IMMP2L: variants seen among roughly 807,000 people sequenced by gnomAD.
IMMP2L encodes mitochondrial inner membrane protease subunit 2.
In IMMP2L, 18 loss-of-function variants were observed where a neutral mutation model predicts 19.3. The observed-to-expected ratio is 0.93, with a 90% CI of 0.64 to 1.38. The LOEUF is 1.38. IMMP2L is among the 40% of genes most tolerant of loss of function. The pLI, the probability that IMMP2L is intolerant of heterozygous loss-of-function variation, is 0.00. For missense variants in IMMP2L, 233 were observed against 218.2 expected (o/e 1.07, Z -0.43); for synonymous variants, 76 against 73.0 (o/e 1.04, Z -0.21).
chr7:111,462,004 A>AT (rs1406058863), intron 3 of IMMP2L, among the ~76,000 whole-genome samples: 5 of 151,924 alleles, frequency 3.3e-5, no homozygotes, highest in Non-Finnish European at 7.4e-5. Flanking sequence ...AAACACAGAG[A>AT]TAAAAAAAAC....
intron 1 of IMMP2L, among the ~76,000 whole-genome samples, chr7:111,557,063 AACAGTC>A (rs1338938312): frequency 2.0e-5 from 3 of 152,078 alleles, no homozygotes; most frequent in Admixed American, 6.5e-5. Context: ...TTTACATTCA[AACAGTC>A]ACAAAGACCA....
Position 110,758,348 on chromosome 7 carries a change from TC to T in IMMP2L, c.409-94628del, listed in dbSNP as rs1798153867. ...TGAAGAAAAGGAGAGAAATAGGAAGTCACTGGAGGCAGAAGCAGAGAGACAG... is the reference window on the plus strand; with the variant it reads ...TGAAGAAAAGGAGAGAAATAGGAAGTACTGGAGGCAGAAGCAGAGAGACAG... On this transcript the variant is annotated intron_variant, in intron 5 of 5. Transcript: ENST00000405709. The surrounding 1 kb of genome is among the most constrained non-coding windows in gnomAD (Gnocchi z 4.6). Among the ~76,000 whole-genome samples the T allele has an allele frequency of 6.6e-6, 1 of 151,988 alleles. No individual in the cohort carries two copies. Among genetic ancestry groups the T allele is most frequent in the South Asian group, 2.1e-4 (1 of 4,828 alleles).
intron 3 of IMMP2L, among the ~76,000 whole-genome samples, chr7:111,188,332 G>A (rs1320149765): frequency 6.6e-6 from 1 of 152,148 alleles, no homozygotes; most frequent in Non-Finnish European, 1.5e-5. Flanking sequence ...GTTTTGGAAG[G>A]CTGAGATCAG....
chr7:110,756,256 C>T lies in IMMP2L; in HGVS notation c.409-92535G>A, dbSNP rs1217730417. The stretch of plus-strand genomic sequence containing the variant: ...GTACATGAGGAAAAGAGAGAAGCCA[C>T]CAGTGATGCCCAGGTTCTGTTCTGG... On this transcript the variant is annotated intron_variant, in intron 5 of 5. Transcript: ENST00000405709. 3.3e-5 allele frequency among the ~76,000 whole-genome samples: 5 copies of T among 152,034 alleles called. No homozygotes were observed. The East Asian group carries it at 9.7e-4, about 29-fold the overall frequency.
chr7:110,696,877 G>C (rs940122233), intron 5 of IMMP2L, among the ~76,000 whole-genome samples: 1 of 152,172 alleles, frequency 6.6e-6, no homozygotes. Flanking sequence ...TAGCACAGAT[G>C]AGTTCCATTT....
intron 1 of IMMP2L, among the ~76,000 whole-genome samples, chr7:111,523,008 G>A (rs1370375269): frequency 2.0e-5 from 3 of 149,588 alleles, no homozygotes; most frequent in Non-Finnish European, 4.4e-5. Flanking sequence ...AGGACATTAA[G>A]TAAAATAACC....
intron 3 of IMMP2L, among the ~76,000 whole-genome samples, chr7:111,153,332 C>G (rs1476456834): frequency 6.6e-6 from 1 of 152,066 alleles, no homozygotes. Flanking sequence ...GAGACATACT[C>G]TAACAATAAA....
chr7:111,328,267 G>T (rs1584647509), intron 3 of IMMP2L, among the ~76,000 whole-genome samples: 1 of 151,790 alleles, frequency 6.6e-6, no homozygotes, highest in East Asian at 1.9e-4. Context: ...TATTAAAGAT[G>T]TTTCAAAAAC....
chr7:111,222,518 A>T (rs1812630551), intron 3 of IMMP2L, among the ~76,000 whole-genome samples: 1 of 151,988 alleles, frequency 6.6e-6, no homozygotes. Flanking sequence ...AATGAGTAGG[A>T]TAGAAACAAA....
At chr7:110,688,404 A>G (rs901386435) in intron 5 of IMMP2L, among the ~76,000 whole-genome samples, 4 of 152,250 alleles carry the variant, frequency 2.6e-5, no homozygotes, top group Admixed American at 2.6e-4. Flanking sequence ...TATGTTTGTG[A>G]TTTAAATGTT....
intron 5 of IMMP2L, among the ~76,000 whole-genome samples, chr7:110,883,924 A>G (rs1279345868): frequency 1.1e-4 from 17 of 152,170 alleles, no homozygotes; most frequent in Non-Finnish European, 2.1e-4. Context: ...AAAGAATCAC[A>G]TTTGTGTTTT....
intron 3 of IMMP2L, among the ~76,000 whole-genome samples, chr7:111,223,795 T>C (rs1371500428): frequency 6.6e-6 from 1 of 152,138 alleles, no homozygotes; most frequent in Non-Finnish European, 1.5e-5. Flanking sequence ...GTAACCTTCA[T>C]GGTTACAACA....
chr7:111,446,201 C>T (rs1838387651), intron 3 of IMMP2L, among the ~76,000 whole-genome samples: 1 of 152,180 alleles, frequency 6.6e-6, no homozygotes, highest in Non-Finnish European at 1.5e-5. Flanking sequence ...GGGTGGAGCC[C>T]GCCACAGCTC....
Position 111,521,348 on chromosome 7 carries a change from C to T in IMMP2L, c.100G>A (p.Ala34Thr), listed in dbSNP as rs748538581. Residue 34 changes from alanine (A) to threonine (T), a missense_variant, in exon 2 of 6, where the codon GCC (alanine) becomes ACC (threonine). Transcript: ENST00000405709. The stretch of plus-strand genomic sequence containing the variant: ...GCTCCTTCTACTCTTGCCACACAGG[C>T]GACCCGATCCAAGAAAGTCACTGCC... ...PVAVTFLDRV[A>T]CVARVEGASM... 6.8e-6 allele frequency: 11 copies of T among 1,613,146 alleles called. No individual in the cohort carries two copies. The highest frequency in any genetic ancestry group is 4.5e-5 in the East Asian group (2 of 44,854).
At chr7:110,792,538 T>C (rs1184196299) in intron 5 of IMMP2L, among the ~76,000 whole-genome samples, 1 of 152,066 alleles carries the variant, frequency 6.6e-6, no homozygotes, top group Non-Finnish European at 1.5e-5. Flanking sequence ...GGGTTCTCAG[T>C]AGAATTGGAC....
intron 4 of IMMP2L, among the ~76,000 whole-genome samples, chr7:110,926,758 C>A (rs1039910505): frequency 6.6e-6 from 1 of 152,126 alleles, no homozygotes; most frequent in Non-Finnish European, 1.5e-5. Context: ...ATAAACATCT[C>A]TATGAATTTT....
intron 3 of IMMP2L, among the ~76,000 whole-genome samples, chr7:111,368,946 A>T (rs1830035627): frequency 6.6e-6 from 1 of 151,916 alleles, no homozygotes; most frequent in Non-Finnish European, 1.5e-5. Flanking sequence ...TGTAAAGGAA[A>T]ATGGTTTGAA....
chr7:110,935,689 A>C (rs575833506), intron 4 of IMMP2L, among the ~76,000 whole-genome samples: 41 of 152,236 alleles, frequency 2.7e-4, no homozygotes, highest in African/African-American at 9.9e-4. Context: ...ACAGAATTAG[A>C]AAAAAATGAC....
chr7:111,470,882 AAAATAAATAAAT>A (rs892798761), intron 3 of IMMP2L, among the ~76,000 whole-genome samples: 2 of 151,390 alleles, frequency 1.3e-5, no homozygotes, highest in African/African-American at 4.8e-5. Context: ...TAATAATAAT[AAAATAAATAAAT>A]AAATAAATAA....
Sources: gnomAD v4.1 joint callset for allele counts (sites outside exome capture counted in the v4.1 genomes callset) on GRCh38, gnomAD v4.1.1 for gene constraint, Gnocchi (gnomAD v3.1) non-coding constraint, MANE v1.5 for transcripts, NCBI Gene and HGNC (gene_info 2026-07-23, HGNC 2026-07-21) for gene names.